SGCZ: variants seen among roughly 807,000 people sequenced by gnomAD.
The protein encoded by SGCZ is zeta-sarcoglycan.
Under a neutral mutation model 41.3 loss-of-function variants are expected in SGCZ, and 40 were observed. The ratio of observed to expected loss-of-function variants is 0.97; its 90% CI spans 0.75 to 1.26. The LOEUF (loss-of-function observed/expected upper bound fraction) is 1.26, where lower values mean the gene tolerates loss of function less well. SGCZ is among the 50% of genes most tolerant of loss of function. The pLI is 0.00. For missense variants in SGCZ, 552 were observed against 369.8 expected (o/e 1.49, Z -4.04); for synonymous variants, 206 against 137.5 (o/e 1.50, Z -3.49).
chr8:14,386,862 G>A (rs560328829), intron 2 of SGCZ, among the ~76,000 whole-genome samples: 3 of 152,226 alleles, frequency 2.0e-5, no homozygotes, highest in South Asian at 2.1e-4. Context: ...TGGTATTTTG[G>A]AGTATCTTGA....
At chr8:15,204,165 A>G (rs1800986442) in intron 1 of SGCZ, among the ~76,000 whole-genome samples, 1 of 152,272 alleles carries the variant, frequency 6.6e-6, no homozygotes, top group Non-Finnish European at 1.5e-5. Flanking sequence ...AACTCTGTAT[A>G]TCCAATGGTA....
At chr8:14,885,625 T>C (rs760207132) in intron 1 of SGCZ, among the ~76,000 whole-genome samples, 1 of 151,996 alleles carries the variant, frequency 6.6e-6, no homozygotes, top group Non-Finnish European at 1.5e-5. Context: ...CATCTTAAAG[T>C]CAGGAAAGGG....
intron 1 of SGCZ, among the ~76,000 whole-genome samples, chr8:14,583,497 C>T (rs1804961941): frequency 6.6e-6 from 1 of 151,956 alleles, no homozygotes; most frequent in South Asian, 2.1e-4. Context: ...TGTGCAGAAG[C>T]TCTTTAGTTT....
chr8:14,631,744 T>A (rs1806662242), intron 1 of SGCZ, among the ~76,000 whole-genome samples: 2 of 152,066 alleles, frequency 1.3e-5, no homozygotes, highest in African/African-American at 4.8e-5. Context: ...ATATAAACAA[T>A]AATGTAGCAG....
intron 4 of SGCZ, among the ~76,000 whole-genome samples, chr8:14,217,544 G>A (rs1301065404): frequency 1.4e-5 from 2 of 147,040 alleles, no homozygotes; most frequent in African/African-American, 2.4e-5. Context: ...AAAAGCTAAT[G>A]AGTTCACCTC....
intron 1 of SGCZ, among the ~76,000 whole-genome samples, chr8:15,158,899 A>C (rs1372050142): frequency 6.6e-6 from 1 of 152,206 alleles, no homozygotes. Context: ...AGGTAATGGC[A>C]GTGCAGTATT....
chr8:14,352,055 G>A (rs1803119884), intron 2 of SGCZ, among the ~76,000 whole-genome samples: 1 of 152,102 alleles, frequency 6.6e-6, no homozygotes, highest in Non-Finnish European at 1.5e-5. Context: ...GTTGTAAACA[G>A]TAGTATTATT....
chr8:14,203,411 T>A (rs1176585189), intron 4 of SGCZ, among the ~76,000 whole-genome samples: 2 of 152,234 alleles, frequency 1.3e-5, no homozygotes, highest in Non-Finnish European at 2.9e-5. Flanking sequence ...AATGTTTTTA[T>A]GTTTTTAATA....
At chr8:14,814,677 G>A (rs1252246735) in intron 1 of SGCZ, among the ~76,000 whole-genome samples, 1 of 152,188 alleles carries the variant, frequency 6.6e-6, no homozygotes, top group Non-Finnish European at 1.5e-5. Flanking sequence ...CAGCTCGGCA[G>A]GTAGGAACTT....
intron 1 of SGCZ, among the ~76,000 whole-genome samples, chr8:14,862,038 A>C (rs567086345): frequency 6.6e-6 from 1 of 152,278 alleles, no homozygotes; most frequent in African/African-American, 2.4e-5. Flanking sequence ...AGTCTGTAGT[A>C]ACATTTAAAA....
At chr8:14,241,492 T>A (rs945608060) in intron 3 of SGCZ, among the ~76,000 whole-genome samples, 2 of 148,514 alleles carry the variant, frequency 1.3e-5, no homozygotes, top group Admixed American at 1.4e-4. Flanking sequence ...ATATAGCATC[T>A]ACATAAAACA....
intron 1 of SGCZ, among the ~76,000 whole-genome samples, chr8:14,765,433 G>C (rs1251958200): frequency 1.3e-5 from 2 of 152,122 alleles, no homozygotes; most frequent in Admixed American, 1.3e-4. Flanking sequence ...GGCCTAGACA[G>C]ACTCATAACT....
intron 1 of SGCZ, among the ~76,000 whole-genome samples, chr8:15,053,360 G>A (rs1449258466): frequency 6.6e-6 from 1 of 151,838 alleles, no homozygotes; most frequent in Non-Finnish European, 1.5e-5. Flanking sequence ...TTTTCATACA[G>A]CCTTTCTGCC....
intron 1 of SGCZ, among the ~76,000 whole-genome samples, chr8:15,000,422 G>A (rs539327663): frequency 6.3e-4 from 96 of 152,280 alleles, no homozygotes; most frequent in African/African-American, 2.3e-3. Flanking sequence ...AGGGTTATGC[G>A]AGTCCTACAT....
chr8:14,730,208 C>T (rs1585215087), intron 1 of SGCZ, among the ~76,000 whole-genome samples: 1 of 152,106 alleles, frequency 6.6e-6, no homozygotes, highest in East Asian at 1.9e-4. Context: ...TGGAGTGCCG[C>T]ACGAAGCTTT....
chr8:14,372,148 G>C (rs149210886), intron 2 of SGCZ, among the ~76,000 whole-genome samples: 1 of 152,054 alleles, frequency 6.6e-6, no homozygotes, highest in East Asian at 1.9e-4. Context: ...ACAATGACTA[G>C]GTTTTAGATC....
chr8:14,958,183 G>C (rs956740520), intron 1 of SGCZ, among the ~76,000 whole-genome samples: 1 of 151,748 alleles, frequency 6.6e-6, no homozygotes, highest in Non-Finnish European at 1.5e-5. Flanking sequence ...CAAACAAAAA[G>C]AGTAACAGTT....
chr8:14,832,381 A>G (rs1275024973), intron 1 of SGCZ, among the ~76,000 whole-genome samples: 1 of 152,184 alleles, frequency 6.6e-6, no homozygotes, highest in Non-Finnish European at 1.5e-5. Context: ...CTGAATTTAC[A>G]CAAAATTCCA....
chr8:15,206,341 G>T (rs922614671), intron 1 of SGCZ, among the ~76,000 whole-genome samples: 1 of 152,044 alleles, frequency 6.6e-6, no homozygotes, highest in African/African-American at 2.4e-5. Flanking sequence ...GCACCATCAA[G>T]AACTTCAGCA....
Sources: gnomAD v4.1 joint callset for allele counts (sites outside exome capture counted in the v4.1 genomes callset) on GRCh38, gnomAD v4.1.1 for gene constraint, MANE v1.5 for transcripts, NCBI Gene and HGNC (gene_info 2026-07-23, HGNC 2026-07-21) for gene names.